Variants in MME observed in about 807,000 individuals in gnomAD.
The protein encoded by MME is membrane metalloendopeptidase.
Under a neutral mutation model 113.2 loss-of-function variants are expected in MME, and 98 were observed. That is an observed-to-expected ratio of 0.87 (90% confidence interval 0.74 to 1.02). The LOEUF (loss-of-function observed/expected upper bound fraction) is 1.02, where lower values mean the gene tolerates loss of function less well. Ranked by LOEUF, MME falls within the 50% of genes least tolerant of loss-of-function variation. The pLI is 0.00. For missense variants in MME, 836 were observed against 896.0 expected, an observed-to-expected ratio of 0.93 and a Z score of 0.86; for synonymous variants, 292 against 300.6, an observed-to-expected ratio of 0.97 and a Z score of 0.30.
rs2108251535 is a variant in MME at position 155,115,133 on chromosome 3, T to A, written c.336T>A (p.Asp112Glu). The stretch of plus-strand genomic sequence containing the variant: ...ACGGCAACTTTGACATTTTAAGAGA[T>A]GAACTAGAAGTCGTTTTGAAAGGTT... ...SRYGNFDILR[D>E]ELEVVLKDVL... Residue 112 changes from aspartate to glutamate, a missense_variant, in exon 4 of 23, where the codon GAT (aspartate) becomes GAA (glutamate). Coordinates refer to ENST00000360490, the MANE Select transcript of MME (RefSeq NM_007289.4). 6.2e-7 allele frequency: 1 copy of A among 1,614,132 alleles called. No individual in the cohort carries two copies. Among genetic ancestry groups the A allele is most frequent in the Non-Finnish European group, 8.5e-7 (1 of 1,179,988 alleles).
chr3:155,167,085 T>C lies in MME; in HGVS notation c.1780+64T>C, dbSNP rs61760395. On this transcript the variant is annotated intron_variant, in intron 18 of 22. Coordinates refer to ENST00000360490, the MANE Select transcript of MME (RefSeq NM_007289.4). ...TGCTCATAAATTTGATTAAGAGTTA[T>C]TATAATTTATTACTACAAAGCTACA... 6,063 of 1,560,688 alleles carry C rather than the reference T, an allele frequency of 3.9e-3. 18 individuals are homozygous for C. Among genetic ancestry groups the C allele is most frequent in the Non-Finnish European group, 4.6e-3 (5,208 of 1,132,252 alleles).
In MME at chr3:155,116,758, T is replaced by C. The variant is rs1465084161; in HGVS notation, c.534T>C (p.Tyr178=). Reference sequence around the variant, plus strand: ...CAACAGAAAACTGGGAGCAAAAATATGGTAAGGCAATTTTCCTACTAAAAA... The same window carrying C: ...CAACAGAAAACTGGGAGCAAAAATACGGTAAGGCAATTTTCCTACTAAAAA... The part of the protein sequence containing the change: ...PVATENWEQK[Y]GASWTAEKAI... The change falls in exon 6 of 23, where the codon TAT becomes TAC. Residue 178 remains tyrosine (Y), a splice_region_variant and synonymous_variant. Transcript: ENST00000360490. The C allele has an allele frequency of 1.9e-6, 3 of 1,612,514 alleles. No homozygotes were observed. Among genetic ancestry groups the C allele is most frequent in the Middle Eastern group, 1.6e-4 (1 of 6,068 alleles).
At chr3:155,163,665 C>T (rs899786409) in intron 17 of MME, among the ~76,000 whole-genome samples, 1 of 152,114 alleles carries the variant, frequency 6.6e-6, no homozygotes, top group Admixed American at 6.6e-5. Context: ...CAGAAAGGAT[C>T]TTTTAAATCA....
exon 1 of MME, chr3:155,024,318 C>G (rs984398495): frequency 2.6e-5 from 4 of 152,180 alleles, no homozygotes; most frequent in African/African-American, 9.7e-5. Context: ...TACACACGCT[C>G]TTGGCTGTAA....
At chr3:155,179,798 A>G (rs1302376692) in intron 22 of MME, among the ~76,000 whole-genome samples, 3 of 152,220 alleles carry the variant, frequency 2.0e-5, no homozygotes, top group African/African-American at 4.8e-5. Flanking sequence ...CAGTTATTCA[A>G]GCTGAATCCA....
intron 1 of MME, among the ~76,000 whole-genome samples, chr3:155,071,702 T>C (rs1714562579): frequency 6.6e-6 from 1 of 152,186 alleles, no homozygotes; most frequent in Admixed American, 6.5e-5. Context: ...GTTCCCTATC[T>C]CAATGAAGTG....
At chr3:155,177,652 T>C (rs995116401) in intron 22 of MME, among the ~76,000 whole-genome samples, 1 of 152,192 alleles carries the variant, frequency 6.6e-6, no homozygotes, top group Non-Finnish European at 1.5e-5. Context: ...GACTGCAGAC[T>C]TCTCCTTGTA....
At chr3:155,028,281 T>G (rs1712852644) in intron 1 of MME, among the ~76,000 whole-genome samples, 1 of 152,228 alleles carries the variant, frequency 6.6e-6, no homozygotes, top group Non-Finnish European at 1.5e-5. Flanking sequence ...TAAAATGGAT[T>G]AATGTGGCAC....
intron 1 of MME, among the ~76,000 whole-genome samples, chr3:155,070,364 T>A (rs926430985): frequency 1.3e-5 from 2 of 152,230 alleles, no homozygotes; most frequent in African/African-American, 4.8e-5. Flanking sequence ...TTAAACAGTA[T>A]AATGAAAGTA....
At position 155,124,394 on chromosome 3, in the gene MME, C is replaced by T. The variant is rs1296904425; in HGVS notation, c.720+5583C>T. On this transcript the variant is annotated intron_variant, in intron 8 of 22. Transcript: ENST00000360490. ...CTCCTGTAGCTCAGAGTAATTTGAT[C>T]GTCTGAAGCCTTCTTCTCTCAGCTC... Among the ~76,000 whole-genome samples the T allele has an allele frequency of 5.9e-5, 9 of 151,718 alleles. No individual in the cohort carries two copies. The East Asian group carries it at 1.4e-3, about 23-fold the overall frequency.
intron 16 of MME, among the ~76,000 whole-genome samples, chr3:155,148,969 A>G (rs1038269388): frequency 6.6e-6 from 1 of 152,128 alleles, no homozygotes; most frequent in South Asian, 2.1e-4. Context: ...AAGCCAATTC[A>G]TAGCTCCTTT....
At chr3:155,048,050 G>C (rs899032600) in intron 1 of MME, among the ~76,000 whole-genome samples, 1 of 152,136 alleles carries the variant, frequency 6.6e-6, no homozygotes, top group African/African-American at 2.4e-5. Flanking sequence ...TTATTCCTGA[G>C]TTAAAGCAAG....
Position 155,181,822 on chromosome 3 carries a change from A to C in MME, c.*1363A>C, listed in dbSNP as rs199930251. The C allele has an allele frequency of 3.9e-5, 6 of 152,136 alleles. No homozygotes were observed. Among genetic ancestry groups the C allele is most frequent in the Non-Finnish European group, 5.9e-5 (4 of 68,012 alleles). The allele number at this position is 152,136 out of a possible 1,614,324, so 9.4% of individuals were successfully genotyped here. A position where few individuals can be genotyped will look rare whatever the true frequency, so the allele number is the denominator to read the frequency against. ...TTTTACAAAAGAGGAGCACTTCCAA[A>C]ATTCTTATTTTTCCTAACAAAAGAT... On this transcript the variant is annotated 3_prime_UTR_variant, in exon 23 of 23. Transcript: ENST00000360490.
In MME at chr3:155,182,659, C is replaced by T. The variant is rs201500048; in HGVS notation, c.*2200C>T. 2.6e-5 allele frequency: 4 copies of T among 152,146 alleles called. No individual in the cohort carries two copies. Among genetic ancestry groups the T allele is most frequent in the Non-Finnish European group, 4.4e-5 (3 of 68,028 alleles). 9.4% of individuals were successfully genotyped at this position (152,146 alleles called of 1,614,324 possible). A position where few individuals can be genotyped will look rare whatever the true frequency, so the allele number is the denominator to read the frequency against. ...CATCATGTCAGAGCAGGTGAAGAGC[C>T]AGAAGTGAAGAGTGACTAGTACAAA... On this transcript the variant is annotated 3_prime_UTR_variant, in exon 23 of 23. Coordinates refer to ENST00000360490, the MANE Select transcript of MME (RefSeq NM_007289.4).
chr3:155,115,279 G>A (rs1225431346), intron 4 of MME, 124 bp downstream of exon 4: 2 of 1,211,724 alleles, frequency 1.7e-6, no homozygotes, highest in Non-Finnish European at 2.3e-6. Context: ...ATCCTTCCAG[G>A]ATTTGTGTAC....
intron 8 of MME, among the ~76,000 whole-genome samples, chr3:155,135,488 G>T (rs1448497796): frequency 6.6e-6 from 1 of 151,780 alleles, no homozygotes; most frequent in Non-Finnish European, 1.5e-5. Flanking sequence ...TGTTCCATTG[G>T]TCTGTGTGTC....
intron 1 of MME, among the ~76,000 whole-genome samples, chr3:155,083,109 A>G (rs1033872001): frequency 2.0e-5 from 3 of 152,194 alleles, no homozygotes; most frequent in Non-Finnish European, 4.4e-5. Context: ...ATGAAATTTA[A>G]TATTTAGGCT....
intron 3 of MME, among the ~76,000 whole-genome samples, chr3:155,101,507 C>CTGCCTCTGAT (rs1559917795): frequency 1.3e-5 from 2 of 152,170 alleles, no homozygotes; most frequent in Non-Finnish European, 2.9e-5. Flanking sequence ...CTGCCTCTGA[C>CTGCCTCTGAT]CCCAGCTCTA....
chr3:155,110,149 AG>A (rs1559923574), intron 3 of MME, among the ~76,000 whole-genome samples: 1 of 152,226 alleles, frequency 6.6e-6, no homozygotes, highest in East Asian at 1.9e-4. Context: ...GAAGAGTAAA[AG>A]GGTACTTGAA....
Sources: gnomAD v4.1 joint callset for allele counts (sites outside exome capture counted in the v4.1 genomes callset) on GRCh38, gnomAD v4.1.1 for gene constraint, MANE v1.5 for transcripts, NCBI Gene and HGNC (gene_info 2026-07-23, HGNC 2026-07-21) for gene names.